RNF150: variants seen among roughly 807,000 people sequenced by gnomAD.
RNF150 encodes ring finger protein 150.
Under a neutral mutation model 39.3 loss-of-function variants are expected in RNF150, and 24 were observed. The observed-to-expected ratio is 0.61, with a 90% CI of 0.44 to 0.86. The LOEUF (loss-of-function observed/expected upper bound fraction) is 0.86, where lower values mean the gene tolerates loss of function less well. Among genes scored for constraint, RNF150 ranks in the 40% least tolerant of loss-of-function variants. The pLI is 0.00. For missense variants in RNF150, 502 were observed against 587.8 expected (o/e 0.85, Z 1.51); for synonymous variants, 255 against 227.3 (o/e 1.12, Z -1.10).
intron 4 of RNF150, among the ~76,000 whole-genome samples, chr4:140,938,684 G>A (rs1411311728): frequency 6.6e-6 from 1 of 152,138 alleles, no homozygotes; most frequent in Non-Finnish European, 1.5e-5. Context: ...AGGTAGGCAA[G>A]TCACTCTGAG....
intron 1 of RNF150, among the ~76,000 whole-genome samples, chr4:140,994,197 G>T (rs1435913473): frequency 2.0e-5 from 3 of 152,134 alleles, no homozygotes; most frequent in African/African-American, 7.2e-5. Context: ...GAAATCCAAG[G>T]TCATGCCTGC....
chr4:140,902,555 T>G (rs1294645741), intron 6 of RNF150, among the ~76,000 whole-genome samples: 1 of 152,162 alleles, frequency 6.6e-6, no homozygotes, highest in African/African-American at 2.4e-5. Context: ...CAATAGAACT[T>G]TTTGGTTTTT....
At chr4:140,920,876 T>C (rs2111304977) in intron 5 of RNF150, among the ~76,000 whole-genome samples, 1 of 151,766 alleles carries the variant, frequency 6.6e-6, no homozygotes, top group East Asian at 2.0e-4. Flanking sequence ...GATGAGTTCA[T>C]GTCCTTTATA....
chr4:140,944,611 T>A (rs760473849), intron 4 of RNF150: 1 of 152,142 alleles, frequency 6.6e-6, no homozygotes, highest in East Asian at 1.9e-4. Context: ...AGCGATAAAA[T>A]GATTTTGAAA....
intron 6 of RNF150, among the ~76,000 whole-genome samples, chr4:140,896,542 T>A (rs1578940567): frequency 2.8e-5 from 2 of 72,194 alleles, no homozygotes; most frequent in Non-Finnish European, 5.4e-5. Flanking sequence ...TGTGGTGGGG[T>A]CGGGGGAGGG....
intron 1 of RNF150, among the ~76,000 whole-genome samples, chr4:141,152,297 C>T (rs1021584353): frequency 1.3e-5 from 2 of 152,142 alleles, no homozygotes; most frequent in African/African-American, 4.8e-5. Context: ...GGAATTTTGT[C>T]CAGTCACATA....
chr4:141,212,743 A>C (rs2321866), intron 1 of RNF150: 33,451 of 152,210 alleles, frequency 0.22, 3,919 homozygotes, highest in South Asian at 0.32. Context: ...TGCTATATAG[A>C]ACTACCTGAG....
chr4:140,919,797 C>G (rs1482522177), intron 5 of RNF150, among the ~76,000 whole-genome samples: 1 of 131,870 alleles, frequency 7.6e-6, no homozygotes, highest in Non-Finnish European at 1.7e-5. Flanking sequence ...GGTTACAAGG[C>G]TACGGTAATC....
intron 1 of RNF150, among the ~76,000 whole-genome samples, chr4:141,125,133 C>T (rs1726716102): frequency 6.6e-6 from 1 of 152,052 alleles, no homozygotes; most frequent in Non-Finnish European, 1.5e-5. Context: ...AAAACTGAGA[C>T]CTAGATCTAA....
chr4:141,122,025 T>C (rs994999960), intron 1 of RNF150, among the ~76,000 whole-genome samples: 1 of 152,100 alleles, frequency 6.6e-6, no homozygotes, highest in Non-Finnish European at 1.5e-5. Flanking sequence ...GTGATCCCAA[T>C]ATGCAGTCAG....
rs1325079314 is a variant in RNF150, at chr4:140,865,050, T to C, written c.*3211A>G. On this transcript the variant is annotated 3_prime_UTR_variant, in exon 7 of 7. Coordinates refer to ENST00000515673, the MANE Select transcript of RNF150 (RefSeq NM_020724.2). ...GGGTCGGGGGATCTTGTGAGAATAC[T>C]GGAGGAACTCTAGACCTGCATTGTC... 1 of 152,176 alleles carries C rather than the reference T, an allele frequency of 6.6e-6. No individual in the cohort carries two copies. Among genetic ancestry groups the C allele is most frequent in the East Asian group, 1.9e-4 (1 of 5,184 alleles). 9.4% of individuals were successfully genotyped at this position (152,176 alleles called of 1,614,324 possible). A position where few individuals can be genotyped will look rare whatever the true frequency, so the allele number is the denominator to read the frequency against.
intron 1 of RNF150, among the ~76,000 whole-genome samples, chr4:141,206,013 A>G (rs1728367888): frequency 6.6e-6 from 1 of 152,174 alleles, no homozygotes; most frequent in African/African-American, 2.4e-5. Context: ...AAATTCACTC[A>G]TGATCACTCT....
intron 1 of RNF150, among the ~76,000 whole-genome samples, chr4:141,059,921 A>C (rs1387258942): frequency 1.3e-5 from 2 of 152,148 alleles, no homozygotes; most frequent in Non-Finnish European, 1.5e-5. Flanking sequence ...AACTCTAAAT[A>C]TATACTTTGC....
At position 140,983,815 on chromosome 4, in the gene RNF150, C is replaced by G. The variant is rs1428922560; in HGVS notation, c.485-15942G>C. Among the ~76,000 whole-genome samples, 10 of 150,006 alleles carry G rather than the reference C, an allele frequency of 6.7e-5. No individual in the cohort carries two copies. The Admixed American group carries it at 6.7e-4, about 10-fold the overall frequency. On this transcript the variant is annotated intron_variant, in intron 1 of 6. Coordinates refer to ENST00000515673, the MANE Select transcript of RNF150 (RefSeq NM_020724.2). Reference sequence around the variant, plus strand: ...AGTGCAGTGGCACAATCTTGTATCACTGCAGCCTCTGCCTTCCAGGTTCAA... The same window carrying G: ...AGTGCAGTGGCACAATCTTGTATCAGTGCAGCCTCTGCCTTCCAGGTTCAA...
intron 1 of RNF150, among the ~76,000 whole-genome samples, chr4:141,002,751 T>C (rs56184312): frequency 0.076 from 11,537 of 152,180 alleles, 493 homozygotes; most frequent in Middle Eastern, 0.16. Context: ...GGGGGAAGCC[T>C]GGGCAAAATG....
At chr4:140,920,865 T>G (rs1370033139) in intron 5 of RNF150, among the ~76,000 whole-genome samples, 1 of 151,190 alleles carries the variant, frequency 6.6e-6, no homozygotes, top group African/African-American at 2.4e-5. Flanking sequence ...CCGTAAAAAA[T>G]GATGAGTTCA....
chr4:140,929,779 T>C (rs1374791797), intron 4 of RNF150, among the ~76,000 whole-genome samples: 3 of 152,144 alleles, frequency 2.0e-5, no homozygotes, highest in Non-Finnish European at 4.4e-5. Flanking sequence ...ATATCTACAA[T>C]CAGTTGACCT....
rs530164320 is a variant in RNF150, at chr4:141,012,220, G to A, written c.485-44347C>T. 7.9e-5 allele frequency among the ~76,000 whole-genome samples: 12 copies of A among 152,346 alleles called. No individual in the cohort carries two copies. In the East Asian group the frequency reaches 2.3e-3, roughly 29 times the overall value. ...GCTTCTCTTGGAGAACTGCCGGAAAGCAGCCTGCAAACACAGACAGATTCC... is the reference window on the plus strand; with the variant it reads ...GCTTCTCTTGGAGAACTGCCGGAAAACAGCCTGCAAACACAGACAGATTCC... On this transcript the variant is annotated intron_variant, in intron 1 of 6. Coordinates refer to ENST00000515673, the MANE Select transcript of RNF150 (RefSeq NM_020724.2).
At chr4:141,150,704 T>G (rs1157109148) in intron 1 of RNF150, among the ~76,000 whole-genome samples, 1 of 152,208 alleles carries the variant, frequency 6.6e-6, no homozygotes, top group Non-Finnish European at 1.5e-5. Context: ...GATCTCCATT[T>G]AACATAGTAT....
Sources: allele counts gnomAD v4.1 joint callset (sites outside exome capture counted in the v4.1 genomes callset), GRCh38; gene constraint gnomAD v4.1.1; transcripts MANE v1.5; gene names NCBI Gene and HGNC (gene_info 2026-07-23, HGNC 2026-07-21).